Variants in SRBD1 observed in about 807,000 individuals in gnomAD.
The protein encoded by SRBD1 is S1 RNA-binding domain-containing protein 1.
Under a neutral mutation model 115.3 loss-of-function variants are expected in SRBD1, and 88 were observed. That is an observed-to-expected ratio of 0.76 (90% confidence interval 0.64 to 0.91). The LOEUF is 0.91. Among genes scored for constraint, SRBD1 ranks in the 40% least tolerant of loss-of-function variants. The probability of loss-of-function intolerance (pLI) is 0.00; values close to 1 mark genes in which losing one functional copy is unlikely to be tolerated. For synonymous variants in SRBD1, 509 were observed against 407.7 expected (o/e 1.25, Z -2.99); for missense variants, 1,385 against 1,177.4 (o/e 1.18, Z -2.58).
intron 8 of SRBD1, 42 bp from the exon 9 acceptor site, chr2:45,573,384 A>G (rs1558487664): frequency 6.3e-7 from 1 of 1,577,888 alleles, no homozygotes; most frequent in Non-Finnish European, 8.6e-7. Context: ...GCAGTTATTA[A>G]TTTGTGCTTT....
At chr2:45,473,089 T>G (rs1669699413) in intron 16 of SRBD1, among the ~76,000 whole-genome samples, 1 of 151,978 alleles carries the variant, frequency 6.6e-6, no homozygotes, top group Admixed American at 6.6e-5. Context: ...TATTCCTATC[T>G]CCTTATATTT....
intron 17 of SRBD1, among the ~76,000 whole-genome samples, chr2:45,418,888 T>C (rs144276202): frequency 3.0e-4 from 45 of 152,326 alleles, no homozygotes; most frequent in African/African-American, 1.0e-3. Context: ...TGCCTATTTT[T>C]TTCAGCATAC....
intron 14 of SRBD1, among the ~76,000 whole-genome samples, chr2:45,525,299 C>T (rs1057197600): frequency 6.6e-6 from 1 of 151,864 alleles, no homozygotes; most frequent in Admixed American, 6.6e-5. Context: ...AGTTGGACTT[C>T]AAAATTTAAA....
At chr2:45,539,407 A>T (rs987907472) in intron 14 of SRBD1, among the ~76,000 whole-genome samples, 2 of 152,186 alleles carry the variant, frequency 1.3e-5, no homozygotes, top group Non-Finnish European at 1.5e-5. Flanking sequence ...TAAGATATAG[A>T]TGTTAACAAA....
intron 1 of SRBD1, 146 bp from the exon 2 acceptor site, chr2:45,605,587 C>T (rs1674243416): frequency 1.3e-6 from 1 of 752,036 alleles, no homozygotes; most frequent in Non-Finnish European, 2.2e-6. Flanking sequence ...ACATCAGTTT[C>T]CTCTGCTATG....
At chr2:45,555,607 C>A (rs1044494992) in intron 10 of SRBD1, among the ~76,000 whole-genome samples, 14 of 151,456 alleles carry the variant, frequency 9.2e-5, no homozygotes, top group Non-Finnish European at 4.4e-5. Context: ...TCTCCTGCCT[C>A]AGCCTCCTGA....
At chr2:45,471,758 T>C (rs1669655881) in intron 16 of SRBD1, among the ~76,000 whole-genome samples, 1 of 152,170 alleles carries the variant, frequency 6.6e-6, no homozygotes, top group Admixed American at 6.5e-5. Context: ...AGAGAGAAAT[T>C]TGTTTCTTCC....
At chr2:45,415,025 CAT>C (rs1309717223) in intron 18 of SRBD1, among the ~76,000 whole-genome samples, 1 of 76,992 alleles carries the variant, frequency 1.3e-5, no homozygotes, top group Non-Finnish European at 2.2e-5. Context: ...TATATACACA[CAT>C]ATAGTGTGTA....
chr2:45,591,622 A>G (rs1673727488), intron 4 of SRBD1, among the ~76,000 whole-genome samples: 1 of 152,168 alleles, frequency 6.6e-6, no homozygotes, highest in Admixed American at 6.5e-5. Flanking sequence ...TGAATTCTAT[A>G]GAGTTTGAAC....
At chr2:45,412,430 AT>A (rs569275089) in intron 19 of SRBD1, among the ~76,000 whole-genome samples, 40 of 152,264 alleles carry the variant, frequency 2.6e-4, no homozygotes, top group Admixed American at 7.8e-4. Flanking sequence ...ATAATCAAAT[AT>A]AAGTGATTTT....
intron 16 of SRBD1, among the ~76,000 whole-genome samples, chr2:45,450,147 T>C (rs751818153): frequency 7.9e-5 from 12 of 152,184 alleles, no homozygotes; most frequent in Non-Finnish European, 1.6e-4. Flanking sequence ...GTGAGAGTGT[T>C]ATATGGAAAT....
intron 16 of SRBD1, among the ~76,000 whole-genome samples, chr2:45,468,384 T>C (rs1302230709): frequency 6.6e-6 from 1 of 150,746 alleles, no homozygotes; most frequent in Non-Finnish European, 1.5e-5. Flanking sequence ...ATTGCTTCAA[T>C]GAACTTTTTT....
intron 9 of SRBD1, among the ~76,000 whole-genome samples, chr2:45,567,132 T>G (rs1356205680): frequency 5.9e-5 from 9 of 152,176 alleles, no homozygotes; most frequent in Non-Finnish European, 1.3e-4. Context: ...GAAAAGAATG[T>G]CAAAAGATAA....
chr2:45,435,560 GAAAAAAAAAAAAC>G lies in SRBD1; in HGVS notation c.2050-15679_2050-15667del, dbSNP rs1212350070. Among the ~76,000 whole-genome samples the G allele has an allele frequency of 1.2e-4, 9 of 75,088 alleles. No individual in the cohort carries two copies. In the East Asian group the frequency reaches 1.2e-3, roughly 10 times the overall value. 49.3% of individuals were successfully genotyped at this position (75,088 alleles called of 152,430 possible). A position where few individuals can be genotyped will look rare whatever the true frequency, so the allele number is the denominator to read the frequency against. ...AAGACAAGACAACACAAGGCCAGGG[GAAAAAAAAAAAAC>G]AAAAAAAAAAAACAGCTGCCTGTGA... On this transcript the variant is annotated intron_variant, in intron 16 of 20. Transcript: ENST00000263736.
intron 14 of SRBD1, among the ~76,000 whole-genome samples, chr2:45,545,071 G>C (rs1672067764): frequency 6.6e-6 from 1 of 151,898 alleles, no homozygotes; most frequent in Non-Finnish European, 1.5e-5. Flanking sequence ...ACGAGGTTAA[G>C]AGATCAAGAT....
chr2:45,519,921 G>A (rs920466312), intron 14 of SRBD1, among the ~76,000 whole-genome samples: 2 of 152,118 alleles, frequency 1.3e-5, no homozygotes. Flanking sequence ...GAAGGGTTAA[G>A]TAACCAAACC....
intron 14 of SRBD1, among the ~76,000 whole-genome samples, chr2:45,541,913 G>T (rs550420908): frequency 6.6e-6 from 1 of 152,332 alleles, no homozygotes; most frequent in African/African-American, 2.4e-5. Context: ...TCTGGAAAAA[G>T]TACCATAAGT....
chr2:45,598,034 G>A (rs1282158959), intron 4 of SRBD1, among the ~76,000 whole-genome samples: 1 of 152,190 alleles, frequency 6.6e-6, no homozygotes, highest in Non-Finnish European at 1.5e-5. Flanking sequence ...AAAAGAGAAG[G>A]GAAGTGGTAC....
At chr2:45,483,945 G>T (rs1388912320) in intron 15 of SRBD1, among the ~76,000 whole-genome samples, 1 of 152,010 alleles carries the variant, frequency 6.6e-6, no homozygotes, top group African/African-American at 2.4e-5. Context: ...GTAGACTGAA[G>T]GTTACCCAAC....
Sources: gnomAD v4.1 joint callset for allele counts (sites outside exome capture counted in the v4.1 genomes callset) on GRCh38, gnomAD v4.1.1 for gene constraint, MANE v1.5 for transcripts, NCBI Gene and HGNC (gene_info 2026-07-23, HGNC 2026-07-21) for gene names.